FOLH1: variants seen among roughly 807,000 people sequenced by gnomAD.
FOLH1 encodes glutamate carboxypeptidase 2.
In FOLH1, 54 loss-of-function variants were observed where a neutral mutation model predicts 93.9. The ratio of observed to expected loss-of-function variants is 0.57; its 90% CI spans 0.46 to 0.72. The LOEUF is 0.72. Ranked by LOEUF, FOLH1 falls within the 30% of genes least tolerant of loss-of-function variation. FOLH1 has a pLI of 0.00. For synonymous variants in FOLH1, 249 were observed against 303.6 expected, an observed-to-expected ratio of 0.82 and a Z score of 1.87; for missense variants, 571 against 892.5, an observed-to-expected ratio of 0.64 and a Z score of 4.59.
intron 3 of FOLH1, among the ~76,000 whole-genome samples, chr11:49,196,753 A>G (rs1464663050): frequency 6.6e-6 from 1 of 152,224 alleles, no homozygotes; most frequent in East Asian, 1.9e-4. Context: ...TAAGATAACC[A>G]GAAAAAGAAA....
chr11:49,198,495 A>AAG (rs1555009043), intron 3 of FOLH1, among the ~76,000 whole-genome samples: 22 of 151,014 alleles, frequency 1.5e-4, no homozygotes, highest in Non-Finnish European at 2.6e-4. Flanking sequence ...AAAAACAAAA[A>AAG]CAAAAACTAA....
At chr11:49,163,123 T>C (rs1425037691) in intron 13 of FOLH1, among the ~76,000 whole-genome samples, 1 of 151,312 alleles carries the variant, frequency 6.6e-6, no homozygotes, top group Non-Finnish European at 1.5e-5. Flanking sequence ...GTGGTGAGGG[T>C]CCACTTCAGC....
chr11:49,164,928 A>G (rs1228171469), intron 12 of FOLH1, among the ~76,000 whole-genome samples, 156 bp from the exon 13 acceptor site: 1 of 152,204 alleles, frequency 6.6e-6, no homozygotes, highest in Non-Finnish European at 1.5e-5. Context: ...TGTAAAGTCC[A>G]TCATTCTCAC....
intron 13 of FOLH1, among the ~76,000 whole-genome samples, chr11:49,158,929 G>C (rs1310729711): frequency 6.6e-6 from 1 of 152,112 alleles, no homozygotes; most frequent in South Asian, 2.1e-4. Context: ...CTTGGCTCTT[G>C]GCTTGTCTGT....
intron 12 of FOLH1, among the ~76,000 whole-genome samples, chr11:49,168,044 C>CTTTT (rs11345881): frequency 7.2e-6 from 1 of 138,352 alleles, no homozygotes; most frequent in Non-Finnish European, 1.6e-5. Context: ...TCATTTAGTC[C>CTTTT]TTTTTTTTTT....
At chr11:49,147,398 A>G (rs1855888557) in intron 18 of FOLH1, among the ~76,000 whole-genome samples, 1 of 152,022 alleles carries the variant, frequency 6.6e-6, no homozygotes, top group Non-Finnish European at 1.5e-5. Flanking sequence ...TTATAGCACA[A>G]TTGTAATCAT....
rs2134803195 is a variant in FOLH1 at position 49,145,856 on chromosome 11, C to T, written c.*900G>A. Among the ~76,000 whole-genome samples the T allele has an allele frequency of 6.6e-6, 1 of 152,206 alleles. No homozygotes were observed. The highest frequency in any genetic ancestry group is 3.4e-3 in the Middle Eastern group (1 of 294). ...CTGTCTTGATGGACCCTGAATCCTA[C>T]CCTCATGTGAATGAATGCTCTATAT... On this transcript the variant is annotated 3_prime_UTR_variant, in exon 19 of 19. Transcript: ENST00000256999.
chr11:49,200,130 A>C (rs1004633288), intron 3 of FOLH1, 125 bp downstream of exon 3: 1 of 976,376 alleles, frequency 1.0e-6, no homozygotes, highest in Non-Finnish European at 1.4e-6. Flanking sequence ...AAAGGTATTC[A>C]CAAGATCCAA....
intron 1 of FOLH1, chr11:49,206,406 A>G (rs1320939201): frequency 7.9e-6 from 6 of 755,642 alleles, no homozygotes; most frequent in Non-Finnish European, 1.3e-5. Flanking sequence ...AACTTCAATG[A>G]TAGGTATTGC....
In FOLH1 at chr11:49,181,918, A is replaced by G. The variant is rs551567643; in HGVS notation, c.920+1231T>C. 3.9e-5 allele frequency among the ~76,000 whole-genome samples: 6 copies of G among 152,288 alleles called. No homozygotes were observed. The East Asian group carries it at 1.2e-3, about 29-fold the overall frequency. On this transcript the variant is annotated intron_variant, in intron 7 of 18. Transcript: ENST00000256999. ...GGTCAAAAAGTGCTTCCTCATAGAT[A>G]CTGGAATAAAATTAGTAAGAAAGGC...
intron 4 of FOLH1, 127 bp from the exon 5 acceptor site, chr11:49,186,896 G>A: frequency 2.2e-6 from 2 of 897,464 alleles, no homozygotes. Context: ...AGAAATGCAT[G>A]AGCTCCAAAG....
chr11:49,173,573 C>G, intron 9 of FOLH1, 97 bp from the exon 10 acceptor site: 1 of 790,668 alleles, frequency 1.3e-6, no homozygotes, highest in Non-Finnish European at 1.5e-6. Flanking sequence ...GCACTCACGC[C>G]TCAGAAAAAA....
At chr11:49,206,496 G>A (rs1455560133) in intron 1 of FOLH1, among the ~76,000 whole-genome samples, 2 of 152,162 alleles carry the variant, frequency 1.3e-5, no homozygotes, top group African/African-American at 2.4e-5. Context: ...GGGTGTAAAC[G>A]AGATGTTCTG....
At chr11:49,194,953 T>C (rs924322164) in intron 3 of FOLH1, among the ~76,000 whole-genome samples, 1 of 152,076 alleles carries the variant, frequency 6.6e-6, no homozygotes, top group South Asian at 2.1e-4. Flanking sequence ...GACATCACTA[T>C]AGTGAGGTGA....
rs1277625929 is a variant in FOLH1, at chr11:49,200,383, G to T, written c.283C>A (p.Gln95Lys). Residue 95 changes from glutamine (Q) to lysine (K), a missense_variant, in exon 3 of 19, where the codon CAA becomes AAA. Coordinates refer to ENST00000256999, the MANE Select transcript of FOLH1 (RefSeq NM_004476.3). The stretch of plus-strand genomic sequence containing the variant: ...AATTCTTTCCACTGGGATTGAATTT[G>T]CTTTGCAAGCTGAAAGTTTTGTTCT... ...GTEQNFQLAKQIQSQWKEFGL... is the reference protein window; with the variant it reads ...GTEQNFQLAKKIQSQWKEFGL... The T allele has an allele frequency of 6.2e-7, 1 of 1,613,562 alleles. No individual in the cohort carries two copies. Among genetic ancestry groups the T allele is most frequent in the Non-Finnish European group, 8.5e-7 (1 of 1,179,704 alleles).
intron 12 of FOLH1, among the ~76,000 whole-genome samples, chr11:49,168,220 T>C (rs528759056): frequency 6.6e-6 from 1 of 151,716 alleles, no homozygotes; most frequent in East Asian, 1.9e-4. Context: ...ATGTCTTCCC[T>C]GAAAAAGTAA....
intron 2 of FOLH1, among the ~76,000 whole-genome samples, chr11:49,205,191 C>T (rs571298705): frequency 2.3e-4 from 34 of 149,224 alleles, no homozygotes; most frequent in African/African-American, 3.5e-4. Flanking sequence ...GCAACAAGAG[C>T]GAAACTCCAT....
intron 6 of FOLH1, among the ~76,000 whole-genome samples, chr11:49,184,888 C>T (rs1861192244): frequency 6.6e-6 from 1 of 152,210 alleles, no homozygotes; most frequent in Non-Finnish European, 1.5e-5. Context: ...CATAAGACTA[C>T]TATGTGGACT....
chr11:49,156,975 A>C (rs1256690464), intron 14 of FOLH1, among the ~76,000 whole-genome samples, 168 bp from the exon 15 acceptor site: 1 of 152,168 alleles, frequency 6.6e-6, no homozygotes, highest in Non-Finnish European at 1.5e-5. Flanking sequence ...TGATCACAAA[A>C]TATCTCCTTC....
Sources: gnomAD v4.1 joint callset for allele counts (sites outside exome capture counted in the v4.1 genomes callset) on GRCh38, gnomAD v4.1.1 for gene constraint, MANE v1.5 for transcripts, NCBI Gene and HGNC (gene_info 2026-07-23, HGNC 2026-07-21) for gene names.